The following ZBTB10 variants were observed in gnomAD, a reference collection of about 807,000 sequenced individuals.
ZBTB10 encodes the protein zinc finger and BTB domain-containing protein 10.
A neutral mutation model predicts 76.4 loss-of-function variants in ZBTB10; 32 were observed. The observed-to-expected ratio is 0.42, with a 90% confidence interval of 0.32 to 0.56. ZBTB10 has a LOEUF of 0.56. Among genes scored for constraint, ZBTB10 ranks in the 20% least tolerant of loss-of-function variants. ZBTB10 has a pLI of 0.14. For synonymous variants in ZBTB10, 523 were observed against 432.9 expected (o/e 1.21, Z -2.58); for missense variants, 1,057 against 1,098.5 (o/e 0.96, Z 0.53).
intron 1 of ZBTB10, 114 bp from the exon 2 acceptor site, chr8:80,499,380 A>C (rs2131489629): frequency 8.5e-7 from 1 of 1,182,032 alleles, no homozygotes; most frequent in Middle Eastern, 2.6e-4. Context: ...GATTACTCAC[A>C]AATTAATATA....
intron 2 of ZBTB10, among the ~76,000 whole-genome samples, chr8:80,506,608 C>A (rs1224341720): frequency 7.4e-6 from 1 of 135,012 alleles, no homozygotes; most frequent in East Asian, 2.5e-4. Flanking sequence ...GCTGGGATTG[C>A]AGGCGTGAGC....
chr8:80,501,330 T>C (rs1452151528), intron 2 of ZBTB10, among the ~76,000 whole-genome samples: 3 of 152,206 alleles, frequency 2.0e-5, no homozygotes, highest in African/African-American at 7.2e-5. Flanking sequence ...ACATTTACAG[T>C]GGGAATTTTT....
At position 80,487,188 on chromosome 8, in the gene ZBTB10, A is replaced by C. The variant is rs933547923; in HGVS notation, c.378A>C (p.Arg126=). The C allele has an allele frequency of 1.3e-6, 2 of 1,523,594 alleles. No homozygotes were observed. The highest frequency in any genetic ancestry group is 1.4e-5 in the African/African-American group (1 of 70,308). 94.4% of individuals were successfully genotyped at this position (1,523,594 alleles called of 1,614,324 possible). ...AERNRRTLAF[R]GGGGGGLGNN... is the part of the protein sequence containing the mutation. ...GGAACCGTCGGACTCTGGCCTTCCG[A>C]GGCGGCGGCGGCGGGGGTCTCGGCA... The change falls in exon 1 of 6, where the codon CGA becomes CGC. Residue 126 remains arginine, a synonymous_variant. Coordinates refer to ENST00000455036, the MANE Select transcript of ZBTB10 (RefSeq NM_001105539.3).
intron 5 of ZBTB10, 21 bp from the exon 6 acceptor site, chr8:80,519,202 A>AT (rs747200518): frequency 1.0e-5 from 16 of 1,605,438 alleles, no homozygotes; most frequent in African/African-American, 4.0e-5. Context: ...CTTATATTGG[A>AT]TTTTTTCCCC....
chr8:80,517,418 A>T (rs1485226473), intron 3 of ZBTB10, among the ~76,000 whole-genome samples: 3 of 152,192 alleles, frequency 2.0e-5, no homozygotes, highest in South Asian at 2.1e-4. Flanking sequence ...TCCAGTGGAT[A>T]TAATTCCTGT....
At chr8:80,515,714 T>C (rs1197218087) in intron 3 of ZBTB10, among the ~76,000 whole-genome samples, 1 of 152,212 alleles carries the variant, frequency 6.6e-6, no homozygotes, top group African/African-American at 2.4e-5. Flanking sequence ...CATTAGTATT[T>C]TTGCATCTGA....
intron 2 of ZBTB10, among the ~76,000 whole-genome samples, chr8:80,513,178 T>C (rs1816242010): frequency 6.6e-6 from 1 of 152,082 alleles, no homozygotes. Context: ...TCTCACTCTG[T>C]CACCCCAGGC....
chr8:80,491,001 C>G lies in ZBTB10; in HGVS notation c.972+3219C>G, dbSNP rs554134886. Among the ~76,000 whole-genome samples the G allele has an allele frequency of 2.7e-4, 41 of 152,206 alleles. No individual in the cohort carries two copies. In the South Asian group the frequency reaches 8.3e-3, roughly 31 times the overall value. ...GGTGAATCACTTGAGGTCAGGAGTTCGAGACCAGCCTGACCAACATGGTGA... is the reference window on the plus strand; with the variant it reads ...GGTGAATCACTTGAGGTCAGGAGTTGGAGACCAGCCTGACCAACATGGTGA... On this transcript the variant is annotated intron_variant, in intron 1 of 5. Transcript: ENST00000455036.
chr8:80,513,844 G>C (rs778373731), intron 2 of ZBTB10, 66 bp from the exon 3 acceptor site: 2 of 1,225,964 alleles, frequency 1.6e-6, no homozygotes, highest in Non-Finnish European at 2.4e-6. Context: ...TTCCAAGAAA[G>C]AGTGGTGTTT....
At position 80,486,970 on chromosome 8, in the gene ZBTB10, G is replaced by T; in HGVS notation, c.160G>T (p.Ala54Ser). Residue 54 changes from alanine to serine, a missense_variant, in exon 1 of 6, where the codon GCG (alanine) becomes TCG (serine). This residue lies in a region of ZBTB10 where 556 missense variants were observed against 451.7 expected (regional missense o/e 1.23). Transcript: ENST00000455036. Reference sequence around the variant, plus strand: ...ACAGCCCCCGCCGCCAGCGCCGCCCGCGCTTCAGCCGCCTAATGGGCGGGG... The same window carrying T: ...ACAGCCCCCGCCGCCAGCGCCGCCCTCGCTTCAGCCGCCTAATGGGCGGGG... ...PRQPPPPAPP[A>S]LQPPNGRGAD... 1 of 1,512,954 alleles carries T rather than the reference G, an allele frequency of 6.6e-7. No homozygotes were observed. 93.7% of individuals were successfully genotyped at this position (1,512,954 alleles called of 1,614,324 possible). A position where few individuals can be genotyped will look rare whatever the true frequency, so the allele number is the denominator to read the frequency against.
chr8:80,493,207 GC>G (rs1815686652), intron 1 of ZBTB10, among the ~76,000 whole-genome samples: 35 of 125,292 alleles, frequency 2.8e-4, no homozygotes, highest in Middle Eastern at 4.3e-3. Flanking sequence ...GCGCGCGCGC[GC>G]ACACACACAC....
At chr8:80,500,850 T>C (rs1323513522) in intron 2 of ZBTB10, among the ~76,000 whole-genome samples, 3 of 152,210 alleles carry the variant, frequency 2.0e-5, no homozygotes, top group Non-Finnish European at 2.9e-5. Context: ...TATGGTATTC[T>C]AGTTTGTTTA....
intron 2 of ZBTB10, among the ~76,000 whole-genome samples, chr8:80,503,003 AT>A (rs1231646151): frequency 2.0e-5 from 3 of 152,058 alleles, no homozygotes; most frequent in Non-Finnish European, 4.4e-5. Flanking sequence ...TGGATGTGGA[AT>A]TTTTTTTAAA....
At chr8:80,494,467 A>G (rs1815729724) in intron 1 of ZBTB10, among the ~76,000 whole-genome samples, 1 of 152,182 alleles carries the variant, frequency 6.6e-6, no homozygotes, top group South Asian at 2.1e-4. Context: ...TGGAATGCTG[A>G]TGACCCTATG....
In ZBTB10 at chr8:80,524,420, A is replaced by G. The variant is rs1041003151; in HGVS notation, c.*4892A>G. The stretch of plus-strand genomic sequence containing the variant: ...TAATCTTGGAAATGGGTTGAAAAGC[A>G]AAGGTAAACTGCTTCATCCCATGTT... On this transcript the variant is annotated 3_prime_UTR_variant, in exon 6 of 6. Coordinates refer to ENST00000455036, the MANE Select transcript of ZBTB10 (RefSeq NM_001105539.3). The G allele has an allele frequency of 2.0e-5, 3 of 152,132 alleles. No individual in the cohort carries two copies. Among genetic ancestry groups the G allele is most frequent in the Non-Finnish European group, 4.4e-5 (3 of 67,966 alleles). 9.4% of individuals were successfully genotyped at this position (152,132 alleles called of 1,614,324 possible).
chr8:80,488,594 A>T (rs141056254), intron 1 of ZBTB10, among the ~76,000 whole-genome samples: 203 of 152,300 alleles, frequency 1.3e-3, no homozygotes, highest in African/African-American at 4.5e-3. Flanking sequence ...ATTGGTAGGG[A>T]ATTTATTTAC....
chr8:80,502,657 CAA>C (rs1235610211), intron 2 of ZBTB10, among the ~76,000 whole-genome samples: 1 of 151,484 alleles, frequency 6.6e-6, no homozygotes, highest in Non-Finnish European at 1.5e-5. Context: ...AAATGGGTCT[CAA>C]AAGAGCATTA....
intron 2 of ZBTB10, among the ~76,000 whole-genome samples, chr8:80,510,762 A>G (rs370915349): frequency 1.4e-4 from 22 of 152,124 alleles, no homozygotes; most frequent in Non-Finnish European, 2.5e-4. Context: ...GCTGTTTGCA[A>G]AGAAATCTTA....
chr8:80,496,303 TAGAG>T (rs1815780448), intron 1 of ZBTB10, among the ~76,000 whole-genome samples: 1 of 152,056 alleles, frequency 6.6e-6, no homozygotes, highest in South Asian at 2.1e-4. Flanking sequence ...ATGATCTCCT[TAGAG>T]AGTACACATA....
Sources: gnomAD v4.1 joint callset for allele counts (sites outside exome capture counted in the v4.1 genomes callset) on GRCh38, gnomAD v4.1.1 for gene constraint, gnomAD v4.1.1 regional missense constraint, MANE v1.5 for transcripts, NCBI Gene and HGNC (gene_info 2026-07-23, HGNC 2026-07-21) for gene names.